ZHX3: variants seen among roughly 807,000 people sequenced by gnomAD.
ZHX3 encodes zinc fingers and homeoboxes protein 3.
A neutral mutation model predicts 64.5 loss-of-function variants in ZHX3; 20 were observed. The observed-to-expected ratio is 0.31, with a 90% CI of 0.22 to 0.45. The LOEUF (loss-of-function observed/expected upper bound fraction) is 0.45. ZHX3 is among the 20% of genes least tolerant of loss of function. ZHX3 has a pLI of 1.00. For missense variants in ZHX3, 1,041 were observed against 1,195.8 expected (o/e 0.87, Z 1.91); for synonymous variants, 423 against 461.6 (o/e 0.92, Z 1.07).
rs1283866893 is a variant in ZHX3 at position 41,232,832 on chromosome 20, G to A, written c.-150-27766C>T. 3.3e-5 allele frequency among the ~76,000 whole-genome samples: 5 copies of A among 151,842 alleles called. No homozygotes were observed. The highest frequency in any genetic ancestry group is 2.1e-4 in the South Asian group (1 of 4,818). On this transcript the variant is annotated intron_variant, in intron 2 of 3. Transcript: ENST00000683867. The surrounding 1 kb of genome is among the most constrained non-coding windows in gnomAD (Gnocchi z 5.0). ...GATCTCCTGACCTCGTGATCCCCCC[G>A]CCTCGGCCTCCCAAAGTGCTGGGAT...
chr20:41,227,393 G>C (rs2040336246), intron 2 of ZHX3, among the ~76,000 whole-genome samples: 1 of 152,188 alleles, frequency 6.6e-6, no homozygotes, highest in Non-Finnish European at 1.5e-5. Context: ...GAGAGTGGCT[G>C]TGATGGTGCA....
At chr20:41,285,794 C>A (rs1218524495) in intron 1 of ZHX3, among the ~76,000 whole-genome samples, 1 of 152,164 alleles carries the variant, frequency 6.6e-6, no homozygotes, top group Non-Finnish European at 1.5e-5. Context: ...CACAGAGTTA[C>A]TCAACTTTCA....
intron 1 of ZHX3, among the ~76,000 whole-genome samples, chr20:41,308,078 G>A (rs1001901677): frequency 3.3e-5 from 5 of 152,142 alleles, no homozygotes; most frequent in African/African-American, 9.7e-5. Flanking sequence ...TCTGACGGGA[G>A]GAAAAGTGTG....
At chr20:41,254,053 G>A (rs1193572310) in intron 2 of ZHX3, among the ~76,000 whole-genome samples, 8 of 152,252 alleles carry the variant, frequency 5.3e-5, no homozygotes, top group East Asian at 1.9e-4. Flanking sequence ...GGGAGGCTAA[G>A]GCAGAAGGAT....
chr20:41,280,142 T>C (rs1390715778), intron 1 of ZHX3, among the ~76,000 whole-genome samples: 2 of 152,158 alleles, frequency 1.3e-5, no homozygotes, highest in African/African-American at 2.4e-5. Flanking sequence ...CGTATATCCC[T>C]GGTACTTAGC....
At chr20:41,241,362 T>A (rs972071596) in intron 2 of ZHX3, among the ~76,000 whole-genome samples, 1 of 152,216 alleles carries the variant, frequency 6.6e-6, no homozygotes, top group Admixed American at 6.5e-5. Context: ...TTATTAGATT[T>A]TTTTCCTATC....
intron 1 of ZHX3, chr20:41,271,992 A>C (rs1225357650): frequency 6.6e-6 from 1 of 152,204 alleles, no homozygotes; most frequent in Non-Finnish European, 1.5e-5. Context: ...CAATTCCTTT[A>C]AATTTTCATA....
chr20:41,266,464 C>A (rs541627799), intron 2 of ZHX3, among the ~76,000 whole-genome samples: 1 of 152,308 alleles, frequency 6.6e-6, no homozygotes, highest in South Asian at 2.1e-4. Context: ...CACCTGTTCC[C>A]TCTATCCTGA....
At chr20:41,190,032 G>A (rs1022705666) in intron 3 of ZHX3, among the ~76,000 whole-genome samples, 1 of 151,592 alleles carries the variant, frequency 6.6e-6, no homozygotes, top group African/African-American at 2.4e-5. Context: ...AAGCAATGTT[G>A]AATTTTATCA....
At chr20:41,315,417 ACTCCTGAC>A (rs2045261834) in intron 1 of ZHX3, among the ~76,000 whole-genome samples, 1 of 134,442 alleles carries the variant, frequency 7.4e-6, no homozygotes, top group Non-Finnish European at 1.5e-5. Context: ...CTGGTCTCGA[ACTCCTGAC>A]CTCGTGATCC....
At chr20:41,209,590 G>A (rs2038998767) in intron 2 of ZHX3, among the ~76,000 whole-genome samples, 1 of 152,106 alleles carries the variant, frequency 6.6e-6, no homozygotes, top group African/African-American at 2.4e-5. Context: ...AACAAGAAAT[G>A]GGGAAAGGAT....
chr20:41,216,616 C>A (rs954796623), intron 2 of ZHX3, among the ~76,000 whole-genome samples: 3 of 152,118 alleles, frequency 2.0e-5, no homozygotes, highest in East Asian at 1.9e-4. Context: ...GTTTATTTAA[C>A]CATTCTCCTG....
intron 2 of ZHX3, among the ~76,000 whole-genome samples, chr20:41,245,729 T>C (rs1258582587): frequency 2.0e-5 from 3 of 152,204 alleles, no homozygotes; most frequent in Non-Finnish European, 4.4e-5. Context: ...TCAGTTACAT[T>C]AGATCTTAAT....
intron 2 of ZHX3, among the ~76,000 whole-genome samples, chr20:41,237,592 A>G (rs2041096313): frequency 6.6e-6 from 1 of 152,194 alleles, no homozygotes; most frequent in South Asian, 2.1e-4. Context: ...GAAGGGGAAC[A>G]TCACTCACCA....
intron 2 of ZHX3, among the ~76,000 whole-genome samples, chr20:41,230,644 T>TG: frequency 6.6e-6 from 1 of 152,224 alleles, no homozygotes; most frequent in East Asian, 1.9e-4. Context: ...GTTAAAATAT[T>TG]AGTATTTCTG....
intron 1 of ZHX3, among the ~76,000 whole-genome samples, chr20:41,287,473 C>T (rs951723362): frequency 6.6e-6 from 1 of 152,124 alleles, no homozygotes; most frequent in Non-Finnish European, 1.5e-5. Context: ...TGAGTGTAGG[C>T]CAGACTTACT....
chr20:41,179,090 C>T lies in ZHX3; in HGVS notation c.*6101G>A, dbSNP rs1244889550. 1 of 152,480 alleles carries T rather than the reference C, an allele frequency of 6.6e-6. No individual in the cohort carries two copies. The highest frequency in any genetic ancestry group is 1.5e-5 in the Non-Finnish European group (1 of 68,046). 9.4% of individuals were successfully genotyped at this position (152,480 alleles called of 1,614,324 possible). A position where few individuals can be genotyped will look rare whatever the true frequency, so the allele number is the denominator to read the frequency against. On this transcript the variant is annotated 3_prime_UTR_variant, in exon 4 of 4. Coordinates refer to ENST00000683867, the MANE Select transcript of ZHX3 (RefSeq NM_001384317.1). This position sits in a 1 kb window ranked among gnomAD's most constrained non-coding sequence, Gnocchi z 4.3. ...ACCTTGTCAGGAGGCATCTACAGGC[C>T]TTTGGCAACCTCCCTGACTTCCACA...
intron 2 of ZHX3, among the ~76,000 whole-genome samples, chr20:41,264,094 C>T (rs1246701925): frequency 6.6e-6 from 1 of 151,950 alleles, no homozygotes; most frequent in East Asian, 1.9e-4. Flanking sequence ...AAATACCTAA[C>T]CAGACCAACA....
intron 1 of ZHX3, among the ~76,000 whole-genome samples, chr20:41,278,657 T>G (rs2043511537): frequency 7.0e-6 from 1 of 142,058 alleles, no homozygotes; most frequent in Admixed American, 7.0e-5. Context: ...CTGAATATAC[T>G]TATTGTAGAT....
Sources: gnomAD v4.1 joint callset for allele counts (sites outside exome capture counted in the v4.1 genomes callset) on GRCh38, gnomAD v4.1.1 for gene constraint, Gnocchi (gnomAD v3.1) non-coding constraint, MANE v1.5 for transcripts, NCBI Gene and HGNC (gene_info 2026-07-23, HGNC 2026-07-21) for gene names.